TULP4: variants seen among roughly 807,000 people sequenced by gnomAD.
The protein encoded by TULP4 is TUB like protein 4, also known as tubby-related protein 4.
A neutral mutation model predicts 129.0 loss-of-function variants in TULP4; 16 were observed. The ratio of observed to expected loss-of-function variants is 0.12; its 90% CI spans 0.08 to 0.19. TULP4 has a LOEUF of 0.19. Among genes scored for constraint, TULP4 ranks in the 10% least tolerant of loss-of-function variants. The pLI is 1.00. For synonymous variants in TULP4, 998 were observed against 854.0 expected (o/e 1.17, Z -2.94); for missense variants, 1,842 against 2,059.1 (o/e 0.89, Z 2.04).
chr6:158,491,109 C>T (rs1780188831), intron 9 of TULP4, among the ~76,000 whole-genome samples: 1 of 152,158 alleles, frequency 6.6e-6, no homozygotes, highest in African/African-American at 2.4e-5. Flanking sequence ...AGCAGTATTC[C>T]AGGGTAGCCG....
chr6:158,465,218 G>C (rs915931573), intron 6 of TULP4, among the ~76,000 whole-genome samples: 1 of 152,286 alleles, frequency 6.6e-6, no homozygotes, highest in Non-Finnish European at 1.5e-5. Context: ...CATTCCGTAG[G>C]TTGGGTGGCT....
intron 5 of TULP4, among the ~76,000 whole-genome samples, chr6:158,456,734 C>T (rs1014328749): frequency 7.9e-5 from 12 of 151,270 alleles, no homozygotes; most frequent in African/African-American, 2.9e-4. Context: ...CGTGGGAGGC[C>T]GAGGTGGGAG....
At chr6:158,314,460 T>C (rs1256452981) in intron 1 of TULP4, among the ~76,000 whole-genome samples, 192 bp downstream of exon 1, 1 of 152,216 alleles carries the variant, frequency 6.6e-6, no homozygotes, top group Non-Finnish European at 1.5e-5. Flanking sequence ...AGGCTGCGCC[T>C]CCCCAGGTGG....
intron 6 of TULP4, among the ~76,000 whole-genome samples, chr6:158,465,702 C>T (rs545573155): frequency 2.6e-5 from 4 of 152,262 alleles, no homozygotes; most frequent in Admixed American, 1.3e-4. Context: ...AAAGTGCGCC[C>T]GAAGCAGTTG....
chr6:158,404,774 C>CA (rs10608874), intron 1 of TULP4, among the ~76,000 whole-genome samples: 33 of 108,140 alleles, frequency 3.1e-4, no homozygotes, highest in East Asian at 2.5e-3. Context: ...GACTCTGTCT[C>CA]AAAAAAAAAA....
intron 1 of TULP4, among the ~76,000 whole-genome samples, chr6:158,342,196 G>T (rs1317885626): frequency 6.6e-6 from 1 of 152,226 alleles, no homozygotes; most frequent in East Asian, 1.9e-4. Flanking sequence ...GATTACAGGC[G>T]TGAGCCACTG....
intron 12 of TULP4, among the ~76,000 whole-genome samples, chr6:158,500,036 C>G (rs1416526982): frequency 6.6e-6 from 1 of 152,168 alleles, no homozygotes; most frequent in East Asian, 1.9e-4. Context: ...GCATCCCCTT[C>G]TACTTCAGAA....
intron 6 of TULP4, among the ~76,000 whole-genome samples, chr6:158,474,682 A>G (rs1195174618): frequency 6.6e-6 from 1 of 152,170 alleles, no homozygotes; most frequent in African/African-American, 2.4e-5. Context: ...ACTGAGATAC[A>G]GGTTGAGTAC....
chr6:158,504,236 G>A (rs976914690), intron 13 of TULP4, 58 bp downstream of exon 13: 154 of 1,355,666 alleles, frequency 1.1e-4, no homozygotes, highest in Middle Eastern at 2.4e-4. Context: ...TCAGTGCTTC[G>A]GCCTTCAAGG....
intron 11 of TULP4, among the ~76,000 whole-genome samples, chr6:158,498,322 G>T (rs1780373753): frequency 6.6e-6 from 1 of 152,186 alleles, no homozygotes; most frequent in African/African-American, 2.4e-5. Context: ...TGCAAATGAG[G>T]TTTTTAAAAA....
At chr6:158,316,185 C>T (rs905055007) in intron 1 of TULP4, among the ~76,000 whole-genome samples, 1 of 152,316 alleles carries the variant, frequency 6.6e-6, no homozygotes, top group Admixed American at 6.5e-5. Context: ...TGTTTTTCTT[C>T]TCCTGTTCCT....
At chr6:158,385,687 T>C (rs1298377349) in intron 1 of TULP4, among the ~76,000 whole-genome samples, 2 of 148,330 alleles carry the variant, frequency 1.3e-5, no homozygotes, top group Non-Finnish European at 3.0e-5. Flanking sequence ...TATATACATA[T>C]AATTTATTAC....
upstream of TULP4, among the ~76,000 whole-genome samples, chr6:158,309,199 T>G: frequency 1.9e-5 from 1 of 53,882 alleles, no homozygotes; most frequent in Admixed American, 1.9e-4. Context: ...GCGGAGGGTC[T>G]CCTCACTTCT....
At chr6:158,441,514 G>C (rs1473823027) in intron 3 of TULP4, among the ~76,000 whole-genome samples, 1 of 152,150 alleles carries the variant, frequency 6.6e-6, no homozygotes, top group Non-Finnish European at 1.5e-5. Flanking sequence ...TTAGCCAGAT[G>C]GTGAACTACA....
chr6:158,505,075 T>G (rs919182007), intron 13 of TULP4, among the ~76,000 whole-genome samples: 1 of 152,234 alleles, frequency 6.6e-6, no homozygotes, highest in African/African-American at 2.4e-5. Flanking sequence ...TCTGTCTGTT[T>G]GCTCATTTGC....
At chr6:158,297,102 G>A (rs867524758) in intron 1 of TULP4, among the ~76,000 whole-genome samples, 3 of 151,792 alleles carry the variant, frequency 2.0e-5, no homozygotes, top group South Asian at 2.1e-4. Flanking sequence ...TTTCTCAACC[G>A]CATAGGACAG....
chr6:158,350,798 T>A (rs1377432194), intron 1 of TULP4, among the ~76,000 whole-genome samples: 1 of 151,684 alleles, frequency 6.6e-6, no homozygotes, highest in African/African-American at 2.4e-5. Context: ...TCTTGCTCTG[T>A]TGCCCAGGCT....
chr6:158,238,357 A>G (rs1235817416), intron 1 of TULP4: 4 of 728,992 alleles, frequency 5.5e-6, no homozygotes, highest in Non-Finnish European at 9.9e-6. Flanking sequence ...ACTGGCAGAT[A>G]TTTTGAGGCA....
intron 1 of TULP4, among the ~76,000 whole-genome samples, chr6:158,235,058 C>G (rs1289039937): frequency 6.6e-6 from 1 of 151,892 alleles, no homozygotes; most frequent in Non-Finnish European, 1.5e-5. Context: ...TCCCAGCTAC[C>G]TGAGAGGCAG....
Sources: allele counts gnomAD v4.1 joint callset (sites outside exome capture counted in the v4.1 genomes callset), GRCh38; gene constraint gnomAD v4.1.1; transcripts MANE v1.5; gene names NCBI Gene and HGNC (gene_info 2026-07-23, HGNC 2026-07-21).